Variants in POLD3 observed in about 807,000 individuals in gnomAD.
POLD3 encodes the protein DNA polymerase delta 3, accessory subunit, also known as DNA polymerase delta subunit 3.
A neutral mutation model predicts 58.2 loss-of-function variants in POLD3; 19 were observed. The ratio of observed to expected loss-of-function variants is 0.33; its 90% confidence interval spans 0.23 to 0.48. POLD3 has a LOEUF of 0.48. Among genes scored for constraint, POLD3 ranks in the 20% least tolerant of loss-of-function variants. The pLI is 0.99. For missense variants in POLD3, 504 were observed against 545.5 expected, an observed-to-expected ratio of 0.92 and a Z score of 0.76; for synonymous variants, 172 against 193.5, an observed-to-expected ratio of 0.89 and a Z score of 0.92.
At chr11:74,602,480 A>G (rs1280472528) in intron 2 of POLD3, among the ~76,000 whole-genome samples, 2 of 152,038 alleles carry the variant, frequency 1.3e-5, no homozygotes, top group Non-Finnish European at 2.9e-5. Context: ...ACACTTCAAC[A>G]CAGTATATCA....
chr11:74,667,165 C>T (rs1452659108), intron 4 of POLD3, among the ~76,000 whole-genome samples: 1 of 152,150 alleles, frequency 6.6e-6, no homozygotes, highest in Non-Finnish European at 1.5e-5. Flanking sequence ...CATAGAGTTT[C>T]AGTTTTGCAA....
chr11:74,629,289 CA>C lies in POLD3; in HGVS notation c.975del (p.Lys325AsnfsTer63). On this transcript the variant is annotated frameshift_variant, in exon 9 of 12. Transcript: ENST00000263681. LOFTEE classifies it high-confidence loss of function. ...ENMRKKRRRI[K>X]LPESDSSEDE... Reference sequence around the variant, plus strand: ...ACATGAGGAAAAAGAGGAGAAGAATCAAACTTCCTGAATCTGATAGCAGTGA... The same window carrying C: ...ACATGAGGAAAAAGAGGAGAAGAATCAACTTCCTGAATCTGATAGCAGTGA... 1 of 1,607,826 alleles carries C rather than the reference CA, an allele frequency of 6.2e-7. No homozygotes were observed. Among genetic ancestry groups the C allele is most frequent in the Non-Finnish European group, 8.5e-7 (1 of 1,175,796 alleles).
chr11:74,639,263 G>A (rs1005683264), intron 11 of POLD3, among the ~76,000 whole-genome samples: 1 of 152,184 alleles, frequency 6.6e-6, no homozygotes, highest in Non-Finnish European at 1.5e-5. Context: ...TGGTTCTGAT[G>A]CACAGTAAAG....
chr11:74,600,071 G>A lies in POLD3; in HGVS notation c.117-4621G>A, dbSNP rs180764631. ...AGCAATTCTCCTGCCTCAGCCTCCCGAGTAGCTGGGACTACAGGCACATGC... is the reference window on the plus strand; with the variant it reads ...AGCAATTCTCCTGCCTCAGCCTCCCAAGTAGCTGGGACTACAGGCACATGC... On this transcript the variant is annotated intron_variant, in intron 2 of 11. Transcript: ENST00000263681. Among the ~76,000 whole-genome samples, 430 of 150,744 alleles carry A rather than the reference G, an allele frequency of 2.9e-3. 1 individual carries two copies. The highest frequency in any genetic ancestry group is 8.4e-3 in the South Asian group (40 of 4,736).
intron 7 of POLD3, 55 bp downstream of exon 7, chr11:74,620,144 TA>T: frequency 1.5e-6 from 2 of 1,306,582 alleles, no homozygotes; most frequent in Non-Finnish European, 2.2e-6. Flanking sequence ...TGTAATGACA[TA>T]TTATACCTGA....
chr11:74,648,021 T>A (rs7106219), downstream of POLD3, among the ~76,000 whole-genome samples: 1 of 152,084 alleles, frequency 6.6e-6, no homozygotes, highest in African/African-American at 2.4e-5. Context: ...ATTTGCCCAA[T>A]AAGTGGCAAA....
chr11:74,596,610 T>C (rs1258780921), intron 2 of POLD3, among the ~76,000 whole-genome samples: 1 of 152,200 alleles, frequency 6.6e-6, no homozygotes, highest in East Asian at 1.9e-4. Context: ...ACACAGTTAT[T>C]TTGGTGGTGA....
At chr11:74,600,986 T>C (rs1298737141) in intron 2 of POLD3, among the ~76,000 whole-genome samples, 1 of 152,160 alleles carries the variant, frequency 6.6e-6, no homozygotes, top group Non-Finnish European at 1.5e-5. Context: ...CCCAAAGTGC[T>C]GGGATTACAG....
Position 74,618,706 on chromosome 11 carries a change from C to A in POLD3, c.562C>A (p.Gln188Lys). ...GPPASKQVSQ[Q>K]PKGIMGMFAS... ...ACCTGCATCCAAGCAGGTTTCCCAG[C>A]AGCCCAAAGGAATTATGGGAATGTT... The change falls in exon 6 of 12, where the codon CAG (glutamine) becomes AAG (lysine). Residue 188 changes from glutamine to lysine, a missense_variant. Transcript: ENST00000263681. The A allele has an allele frequency of 6.2e-7, 1 of 1,614,018 alleles. No individual in the cohort carries two copies. Among genetic ancestry groups the A allele is most frequent in the Non-Finnish European group, 8.5e-7 (1 of 1,179,906 alleles).
chr11:74,610,221 T>C (rs1041548935), intron 3 of POLD3, among the ~76,000 whole-genome samples: 4 of 151,512 alleles, frequency 2.6e-5, no homozygotes, highest in African/African-American at 4.9e-5. Flanking sequence ...TTTTTTTTTT[T>C]CCTTTTTTGA....
chr11:74,599,807 G>C (rs1241011996), intron 2 of POLD3, among the ~76,000 whole-genome samples: 1 of 152,080 alleles, frequency 6.6e-6, no homozygotes, highest in Non-Finnish European at 1.5e-5. Context: ...TAGAGAAAGC[G>C]GTATGGGCAA....
chr11:74,642,015 G>C lies in POLD3; in HGVS notation c.*1249G>C. On this transcript the variant is annotated 3_prime_UTR_variant, in exon 12 of 12. Transcript: ENST00000263681. ...AGTGGTGTGCTGGTGATTTTGCACA[G>C]TGAGCTCTGCGGAAGGGGTCAGGCT... 1 of 985,518 alleles carries C rather than the reference G, an allele frequency of 1.0e-6. No individual in the cohort carries two copies. The highest frequency in any genetic ancestry group is 1.2e-6 in the Non-Finnish European group (1 of 829,958). The allele number at this position is 985,518 out of a possible 1,614,324, so 61.0% of individuals were successfully genotyped here. A position where few individuals can be genotyped will look rare whatever the true frequency, so the allele number is the denominator to read the frequency against.
chr11:74,623,129 G>T (rs1232411907), intron 7 of POLD3, among the ~76,000 whole-genome samples: 1 of 152,180 alleles, frequency 6.6e-6, no homozygotes, highest in East Asian at 1.9e-4. Context: ...AGAATAGGCA[G>T]GTCTATAGAG....
chr11:74,649,003 G>A (rs1325595520), intron 4 of POLD3, among the ~76,000 whole-genome samples: 3 of 152,110 alleles, frequency 2.0e-5, no homozygotes, highest in African/African-American at 7.2e-5. Context: ...CTTTTGCTAG[G>A]TCGTCTCATG....
chr11:74,620,611 T>C (rs2032222173), intron 7 of POLD3, among the ~76,000 whole-genome samples: 2 of 152,210 alleles, frequency 1.3e-5, no homozygotes, highest in Non-Finnish European at 2.9e-5. Context: ...CATTTAAAAA[T>C]CTTTTTTGAG....
At chr11:74,646,913 C>A (rs192498686), downstream of POLD3, among the ~76,000 whole-genome samples, 205 of 152,318 alleles carry the variant, frequency 1.3e-3, no homozygotes, top group African/African-American at 4.7e-3. Flanking sequence ...GGTCCCCAAC[C>A]TTTTTGGCAC....
In POLD3 at chr11:74,598,893, A is replaced by G. The variant is rs547444190; in HGVS notation, c.116+4777A>G. ...TTCAAGAAGTGGGCTCTACTTCTCA[A>G]TGAGAGAATGTAGAAGAGCATATGG... On this transcript the variant is annotated intron_variant, in intron 2 of 11. Coordinates refer to ENST00000263681, the MANE Select transcript of POLD3 (RefSeq NM_006591.3). Among the ~76,000 whole-genome samples, 9 of 152,312 alleles carry G rather than the reference A, an allele frequency of 5.9e-5. No homozygotes were observed. The South Asian group carries it at 1.5e-3, about 25-fold the overall frequency.
At chr11:74,631,520 C>T (rs1362359456) in intron 9 of POLD3, among the ~76,000 whole-genome samples, 1 of 141,014 alleles carries the variant, frequency 7.1e-6, no homozygotes, top group Non-Finnish European at 1.5e-5. Context: ...TGCTCTGTCG[C>T]CCAGGCTGGA....
intron 2 of POLD3, among the ~76,000 whole-genome samples, chr11:74,604,189 C>T (rs1407144278): frequency 6.6e-6 from 1 of 152,116 alleles, no homozygotes; most frequent in Non-Finnish European, 1.5e-5. Context: ...TCACACATCT[C>T]CCAAAAAAGC....
Sources: allele counts gnomAD v4.1 joint callset (sites outside exome capture counted in the v4.1 genomes callset), GRCh38; gene constraint gnomAD v4.1.1; transcripts MANE v1.5; gene names NCBI Gene and HGNC (gene_info 2026-07-23, HGNC 2026-07-21).